The following LINGO2 variants were observed in gnomAD, a reference collection of about 807,000 sequenced individuals.
The protein encoded by LINGO2 is leucine rich repeat and Ig domain containing 2, also known as leucine-rich repeat and immunoglobulin-like domain-containing nogo receptor-interacting protein 2.
A neutral mutation model predicts 30.6 loss-of-function variants in LINGO2; 14 were observed. The ratio of observed to expected loss-of-function variants is 0.46; its 90% confidence interval spans 0.30 to 0.72. The LOEUF is 0.72. LINGO2 is among the 30% of genes least tolerant of loss of function. The pLI, the probability that LINGO2 is intolerant of heterozygous loss-of-function variation, is 0.07. For missense variants in LINGO2, 729 were observed against 751.7 expected (o/e 0.97, Z 0.35); for synonymous variants, 317 against 288.5 (o/e 1.10, Z -1.00).
At chr9:28,664,949 G>T (rs1828734346) in intron 1 of LINGO2, among the ~76,000 whole-genome samples, 2 of 139,982 alleles carry the variant, frequency 1.4e-5, no homozygotes, top group Admixed American at 1.5e-4. Flanking sequence ...AGAACATAAG[G>T]TCTATGACAA....
At chr9:28,365,454 T>G (rs1264080363) in intron 3 of LINGO2, among the ~76,000 whole-genome samples, 2 of 152,048 alleles carry the variant, frequency 1.3e-5, no homozygotes, top group Non-Finnish European at 2.9e-5. Context: ...ACAGGCTGTA[T>G]AGTGAAATAC....
chr9:28,494,903 T>A (rs996958578), intron 1 of LINGO2, among the ~76,000 whole-genome samples: 5 of 152,188 alleles, frequency 3.3e-5, no homozygotes, highest in African/African-American at 9.7e-5. Flanking sequence ...TTTTAATGAT[T>A]GCCATTCTAA....
chr9:28,342,953 A>G lies in LINGO2; in HGVS notation c.-246+29883T>C, dbSNP rs144236419. 7.8e-4 allele frequency among the ~76,000 whole-genome samples: 119 copies of G among 152,282 alleles called. 1 individual carries two copies. Among genetic ancestry groups the G allele is most frequent in the African/African-American group, 2.6e-3 (110 of 41,556 alleles). The stretch of plus-strand genomic sequence containing the variant: ...GTTTCAGGTGAGTGGCTTTATCATG[A>G]GACATTCACTGGCAGCAAAAGCCTG... On this transcript the variant is annotated intron_variant, in intron 3 of 5. Transcript: ENST00000379992.
the LINGO2 span, among the ~76,000 whole-genome samples, chr9:28,761,239 G>A: frequency 2.0e-5 from 3 of 151,804 alleles, no homozygotes; most frequent in Admixed American, 6.6e-5. Flanking sequence ...AAAAGAAACC[G>A]ACAGGAGAAA....
At chr9:28,648,999 ATAC>A (rs1272484839) in intron 1 of LINGO2, among the ~76,000 whole-genome samples, 1 of 152,122 alleles carries the variant, frequency 6.6e-6, no homozygotes, top group Non-Finnish European at 1.5e-5. Flanking sequence ...CTCTCCCCAG[ATAC>A]TCTGAGAGTT....
intron 4 of LINGO2, among the ~76,000 whole-genome samples, chr9:28,264,076 C>T (rs1332224362): frequency 6.6e-6 from 1 of 151,358 alleles, no homozygotes; most frequent in Admixed American, 6.6e-5. Context: ...AAAAAAAAGA[C>T]GAAAAAATCT....
the LINGO2 span, among the ~76,000 whole-genome samples, chr9:28,703,859 A>C: frequency 2.6e-5 from 4 of 151,954 alleles, no homozygotes; most frequent in Non-Finnish European, 5.9e-5. Flanking sequence ...AGTATTCTTA[A>C]TTCCATCCTC....
the LINGO2 span, among the ~76,000 whole-genome samples, chr9:29,032,832 T>C: frequency 6.6e-6 from 1 of 152,180 alleles, no homozygotes; most frequent in African/African-American, 2.4e-5. Flanking sequence ...GGTTAATGAT[T>C]ACTGTATTGG....
chr9:28,453,413 G>A (rs1410075226), intron 2 of LINGO2, among the ~76,000 whole-genome samples: 1 of 151,868 alleles, frequency 6.6e-6, no homozygotes, highest in African/African-American at 2.4e-5. Flanking sequence ...AAAGAAACCT[G>A]ATGCAACTTT....
At chr9:28,576,384 A>T (rs1287744805) in intron 1 of LINGO2, among the ~76,000 whole-genome samples, 1 of 152,072 alleles carries the variant, frequency 6.6e-6, no homozygotes, top group East Asian at 1.9e-4. Flanking sequence ...CACAAATAGA[A>T]CCTTCATAAG....
intron 4 of LINGO2, among the ~76,000 whole-genome samples, chr9:28,139,269 G>A (rs1440687889): frequency 5.9e-5 from 9 of 152,174 alleles, no homozygotes. Flanking sequence ...CAAAACCTTG[G>A]CTTCCAACAG....
intron 2 of LINGO2, among the ~76,000 whole-genome samples, chr9:28,423,790 G>C (rs1181715831): frequency 6.6e-6 from 1 of 152,066 alleles, no homozygotes; most frequent in Non-Finnish European, 1.5e-5. Context: ...CGGCTTGGGT[G>C]AATAAGGTGT....
chr9:28,217,522 G>C (rs1398263083), intron 4 of LINGO2, among the ~76,000 whole-genome samples: 1 of 151,964 alleles, frequency 6.6e-6, no homozygotes, highest in African/African-American at 2.4e-5. Flanking sequence ...TTCTCTATAA[G>C]AGCAAACACC....
chr9:28,352,255 T>G (rs1159895699), intron 3 of LINGO2, among the ~76,000 whole-genome samples: 1 of 151,220 alleles, frequency 6.6e-6, no homozygotes, highest in East Asian at 1.9e-4. Flanking sequence ...GAAAACCCCA[T>G]TGTCTCAGCC....
chr9:28,431,676 T>C (rs1823681905), intron 2 of LINGO2, among the ~76,000 whole-genome samples: 1 of 152,192 alleles, frequency 6.6e-6, no homozygotes, highest in Non-Finnish European at 1.5e-5. Context: ...TTCATGGCAG[T>C]TCCTTGCAGT....
intron 1 of LINGO2, among the ~76,000 whole-genome samples, chr9:28,500,715 A>G (rs1819848642): frequency 6.6e-6 from 1 of 152,100 alleles, no homozygotes; most frequent in Non-Finnish European, 1.5e-5. Context: ...GGAAGAGATG[A>G]TTTTTTAATT....
At chr9:28,348,146 C>T (rs1819666686) in intron 3 of LINGO2, among the ~76,000 whole-genome samples, 2 of 151,918 alleles carry the variant, frequency 1.3e-5, no homozygotes, top group South Asian at 2.1e-4. Context: ...GTGGAGGAGC[C>T]AAGATGGCCG....
chr9:28,530,883 T>C (rs1316342168), intron 1 of LINGO2, among the ~76,000 whole-genome samples: 1 of 151,796 alleles, frequency 6.6e-6, no homozygotes, highest in Non-Finnish European at 1.5e-5. Flanking sequence ...ACCTAGTCTT[T>C]TTTCTAATGT....
chr9:28,256,186 C>T (rs967652480), intron 4 of LINGO2, among the ~76,000 whole-genome samples: 1 of 151,938 alleles, frequency 6.6e-6, no homozygotes, highest in African/African-American at 2.4e-5. Context: ...CGGCCCTCAC[C>T]CCTTGCTTCA....
Sources: allele counts gnomAD v4.1 joint callset (sites outside exome capture counted in the v4.1 genomes callset), GRCh38; gene constraint gnomAD v4.1.1; transcripts MANE v1.5; gene names NCBI Gene and HGNC (gene_info 2026-07-23, HGNC 2026-07-21).